The following RUNX3 variants were observed in gnomAD, a reference collection of about 807,000 sequenced individuals.
The protein encoded by RUNX3 is runt-related transcription factor 3.
RUNX3 carries 10 observed loss-of-function variants against 27.7 expected under a neutral mutation model. The ratio of observed to expected loss-of-function variants is 0.36; its 90% confidence interval spans 0.22 to 0.61. The LOEUF is 0.61. Ranked by LOEUF, RUNX3 falls within the 20% of genes least tolerant of loss-of-function variation. The pLI, the probability that RUNX3 is intolerant of heterozygous loss-of-function variation, is 0.72. For synonymous variants in RUNX3, 270 were observed against 269.2 expected (o/e 1.00, Z -0.03); for missense variants, 469 against 629.5 (o/e 0.75, Z 2.73).
chr1:24,930,268 T>C lies in RUNX3; in HGVS notation c.-400A>G, dbSNP rs1641193138. 1 of 981,430 alleles carries C rather than the reference T, an allele frequency of 1.0e-6. No individual in the cohort carries two copies. The highest frequency in any genetic ancestry group is 6.2e-5 in the Admixed American group (1 of 16,134). 60.8% of individuals were successfully genotyped at this position (981,430 alleles called of 1,614,324 possible). On this transcript the variant is annotated 5_prime_UTR_variant, in exon 1 of 5. Coordinates refer to ENST00000308873, the MANE Select transcript of RUNX3 (RefSeq NM_004350.3). The surrounding 1 kb of genome is among the most constrained non-coding windows in gnomAD (Gnocchi z 4.1). The stretch of plus-strand genomic sequence containing the variant: ...CAGCCCCAGAACAAATCCTCCAGAA[T>C]CAAGTGGCGGGGCCGCGGCCGCCCG...
chr1:24,902,078 T>A lies in RUNX3; in HGVS notation c.*44A>T, dbSNP rs752934324. 6.9e-6 allele frequency: 10 copies of A among 1,455,344 alleles called. No individual in the cohort carries two copies. Among genetic ancestry groups the A allele is most frequent in the Non-Finnish European group, 8.2e-6 (9 of 1,097,764 alleles). 90.2% of individuals were successfully genotyped at this position (1,455,344 alleles called of 1,614,324 possible). Reference sequence around the variant, plus strand: ...GCCGGCCCATCACTGGTCTTGAAGGTTGTTAGGGTCCCCGCCTCCAGCGGG... The same window carrying A: ...GCCGGCCCATCACTGGTCTTGAAGGATGTTAGGGTCCCCGCCTCCAGCGGG... On this transcript the variant is annotated 3_prime_UTR_variant, in exon 5 of 5. Transcript: ENST00000308873. The surrounding 1 kb of genome is among the most constrained non-coding windows in gnomAD (Gnocchi z 9.2).
chr1:24,935,182 A>G (rs549902687), upstream of RUNX3, among the ~76,000 whole-genome samples: 18 of 152,356 alleles, frequency 1.2e-4, no homozygotes, highest in South Asian at 3.7e-3. Context: ...ACTGCAGCCC[A>G]GTCCTGGGCC....
At chr1:24,908,668 A>T (rs1206468399) in intron 3 of RUNX3, among the ~76,000 whole-genome samples, 1 of 152,132 alleles carries the variant, frequency 6.6e-6, no homozygotes, top group Non-Finnish European at 1.5e-5. Flanking sequence ...CTAGATCTAA[A>T]AAAAGGAAAC....
chr1:24,899,800 C>T lies in RUNX3; in HGVS notation c.*2322G>A, dbSNP rs1640500569. 6.6e-6 allele frequency: 1 copy of T among 152,556 alleles called. No individual in the cohort carries two copies. The highest frequency in any genetic ancestry group is 6.5e-5 in the Admixed American group (1 of 15,288). The allele number at this position is 152,556 out of a possible 1,614,324, so 9.5% of individuals were successfully genotyped here. ...TCACAGTAACACTATATCAAAACGT[C>T]TTCCTTTCCTCGTGCTTCCTACATC... On this transcript the variant is annotated 3_prime_UTR_variant, in exon 5 of 5. Coordinates refer to ENST00000308873, the MANE Select transcript of RUNX3 (RefSeq NM_004350.3).
chr1:24,935,121 C>G (rs1641317843), upstream of RUNX3, among the ~76,000 whole-genome samples: 7 of 152,346 alleles, frequency 4.6e-5, no homozygotes, highest in Middle Eastern at 3.4e-3. Context: ...AGGCCAGGAG[C>G]AAGCACCTCG....
upstream of RUNX3, among the ~76,000 whole-genome samples, chr1:24,933,677 T>G (rs1001210206): frequency 6.6e-6 from 1 of 152,208 alleles, no homozygotes; most frequent in African/African-American, 2.4e-5. Context: ...TGGGTCTCGA[T>G]GATTGCCTGT....
Position 24,916,222 on chromosome 1 carries a change from A to G in RUNX3, c.544+3018T>C, listed in dbSNP as rs1271797742. ...CCGGGAAAGGAAGTCCAGGAGCACA[A>G]AAGGCCTGTAACAACCTGTGAAGGT... On this transcript the variant is annotated intron_variant, in intron 3 of 4. Transcript: ENST00000308873. This position sits in a 1 kb window ranked among gnomAD's most constrained non-coding sequence, Gnocchi z 4.8. Among the ~76,000 whole-genome samples, 1 of 152,200 alleles carries G rather than the reference A, an allele frequency of 6.6e-6. No homozygotes were observed. The highest frequency in any genetic ancestry group is 1.9e-4 in the East Asian group (1 of 5,196).
At chr1:24,926,249 G>A (rs1265895545) in intron 2 of RUNX3, among the ~76,000 whole-genome samples, 1 of 152,214 alleles carries the variant, frequency 6.6e-6, no homozygotes, top group Non-Finnish European at 1.5e-5. Flanking sequence ...GGATTAAGTC[G>A]CAAAGGGTTT....
intron 3 of RUNX3, among the ~76,000 whole-genome samples, chr1:24,917,327 A>G (rs113061122): frequency 3.3e-5 from 5 of 152,114 alleles, no homozygotes; most frequent in African/African-American, 1.2e-4. Flanking sequence ...CTGCACCTCT[A>G]TTACCAAGGC....
At position 24,901,300 on chromosome 1, in the gene RUNX3, AG is replaced by A. The variant is rs1346501949; in HGVS notation, c.*821del. 6.6e-6 allele frequency: 1 copy of A among 152,594 alleles called. No individual in the cohort carries two copies. The highest frequency in any genetic ancestry group is 1.5e-5 in the Non-Finnish European group (1 of 68,034). The allele number at this position is 152,594 out of a possible 1,614,324, so 9.5% of individuals were successfully genotyped here. A position where few individuals can be genotyped will look rare whatever the true frequency, so the allele number is the denominator to read the frequency against. ...GGAATTATGAGACCACCTAGGGGAA[AG>A]GGGACCTCCTATCCCCCCTCCCCCG... On this transcript the variant is annotated 3_prime_UTR_variant, in exon 5 of 5. Transcript: ENST00000308873.
At position 24,927,773 on chromosome 1, in the gene RUNX3, AG is replaced by A; in HGVS notation, c.283-44del. On this transcript the variant is annotated intron_variant, in intron 1 of 4. Transcript: ENST00000308873. The surrounding 1 kb of genome is among the most constrained non-coding windows in gnomAD (Gnocchi z 5.0). ...GGGGATGCAGGGGGACAGCTTAGAA[AG>A]GAAGAGGGTGACCAGGGAAAGGAGG... 2.6e-6 allele frequency: 4 copies of A among 1,561,848 alleles called. No individual in the cohort carries two copies. Among genetic ancestry groups the A allele is most frequent in the Non-Finnish European group, 3.5e-6 (4 of 1,140,196 alleles).
At position 24,947,514 on chromosome 1, in the gene RUNX3, C is replaced by A. The variant is rs542995403; in HGVS notation, c.58+17000G>T. Reference sequence around the variant, plus strand: ...GATGGGCCAGCTCACCACAAGCAGCCAAGCCCGGTCTTTGAGGGGTTGGAG... The same window carrying A: ...GATGGGCCAGCTCACCACAAGCAGCAAAGCCCGGTCTTTGAGGGGTTGGAG... On this transcript the variant is annotated intron_variant, in intron 2 of 6. Transcript: ENST00000338888. Among the ~76,000 whole-genome samples the A allele has an allele frequency of 2.6e-5, 4 of 152,310 alleles. No individual in the cohort carries two copies. In the South Asian group the frequency reaches 8.3e-4, roughly 32 times the overall value.
At position 24,962,866 on chromosome 1, in the gene RUNX3, G is replaced by T. The variant is rs1315162727; in HGVS notation, c.58+1648C>A. On this transcript the variant is annotated intron_variant, in intron 2 of 6. Transcript: ENST00000338888. The surrounding 1 kb of genome is among the most constrained non-coding windows in gnomAD (Gnocchi z 4.5). Reference sequence around the variant, plus strand: ...CGGGGCTCTAGCCCTGTCTCCCAAGGTTCCTTTGTTTTAAACCCTACATTT... The same window carrying T: ...CGGGGCTCTAGCCCTGTCTCCCAAGTTTCCTTTGTTTTAAACCCTACATTT... 1 of 152,242 alleles carries T rather than the reference G, an allele frequency of 6.6e-6. No homozygotes were observed. The highest frequency in any genetic ancestry group is 2.4e-5 in the African/African-American group (1 of 41,456). The allele number at this position is 152,242 out of a possible 1,614,324, so 9.4% of individuals were successfully genotyped here.
chr1:24,901,903 A>G lies in RUNX3; in HGVS notation c.*219T>C. On this transcript the variant is annotated 3_prime_UTR_variant, in exon 5 of 5. Coordinates refer to ENST00000308873, the MANE Select transcript of RUNX3 (RefSeq NM_004350.3). Reference sequence around the variant, plus strand: ...GACGGCCAGGATCTGGGCCGGGGGCAGTATCCCGGGCCGGGGTGGGGGTGG... The same window carrying G: ...GACGGCCAGGATCTGGGCCGGGGGCGGTATCCCGGGCCGGGGTGGGGGTGG... 1.9e-6 allele frequency: 1 copy of G among 523,546 alleles called. No homozygotes were observed. Among genetic ancestry groups the G allele is most frequent in the East Asian group, 3.0e-5 (1 of 33,034 alleles). The allele number at this position is 523,546 out of a possible 1,614,324, so 32.4% of individuals were successfully genotyped here.
At chr1:24,942,117 C>T (rs1204509048) in intron 2 of RUNX3, among the ~76,000 whole-genome samples, 6 of 152,136 alleles carry the variant, frequency 3.9e-5, no homozygotes, top group African/African-American at 1.2e-4. Flanking sequence ...TGCCCCCATC[C>T]GTGTCCTCAG....
rs1456892961 is a variant in RUNX3 at position 24,916,254 on chromosome 1, G to T, written c.544+2986C>A. Among the ~76,000 whole-genome samples the T allele has an allele frequency of 6.6e-6, 1 of 152,204 alleles. No individual in the cohort carries two copies. Among genetic ancestry groups the T allele is most frequent in the Non-Finnish European group, 1.5e-5 (1 of 68,028 alleles). Reference sequence around the variant, plus strand: ...TGTAACAACCTGTGAAGGTTGTGGGGGCACTTCCTGGGGCCAGGCCCCGGT... The same window carrying T: ...TGTAACAACCTGTGAAGGTTGTGGGTGCACTTCCTGGGGCCAGGCCCCGGT... On this transcript the variant is annotated intron_variant, in intron 3 of 4. Transcript: ENST00000308873. The surrounding 1 kb of genome is among the most constrained non-coding windows in gnomAD (Gnocchi z 4.8).
At chr1:24,917,253 A>G (rs964190904) in intron 3 of RUNX3, among the ~76,000 whole-genome samples, 1 of 152,182 alleles carries the variant, frequency 6.6e-6, no homozygotes, top group Non-Finnish European at 1.5e-5. Flanking sequence ...GCTCCTGTCC[A>G]TGCTGACCCT....
At chr1:24,946,318 G>A (rs12117581) in intron 2 of RUNX3, among the ~76,000 whole-genome samples, 12,660 of 151,796 alleles carry the variant, frequency 0.083, 965 homozygotes, top group African/African-American at 0.21. Context: ...GTTCCCACTG[G>A]GTGTTCAGCC....
upstream of RUNX3, among the ~76,000 whole-genome samples, chr1:24,931,911 C>T (rs1272666257): frequency 1.3e-5 from 2 of 152,220 alleles, no homozygotes; most frequent in African/African-American, 4.8e-5. Context: ...GACCCAGGCC[C>T]GCGCGCCCTC....
Sources: gnomAD v4.1 joint callset for allele counts (sites outside exome capture counted in the v4.1 genomes callset) on GRCh38, gnomAD v4.1.1 for gene constraint, Gnocchi (gnomAD v3.1) non-coding constraint, MANE v1.5 for transcripts, NCBI Gene and HGNC (gene_info 2026-07-23, HGNC 2026-07-21) for gene names.